Variants in RNF144A observed in about 807,000 individuals in gnomAD.
The protein encoded by RNF144A is ring finger protein 144A.
In RNF144A, 11 loss-of-function variants were observed where a neutral mutation model predicts 38.7. The observed-to-expected ratio is 0.28, with a 90% CI of 0.18 to 0.47. The LOEUF (loss-of-function observed/expected upper bound fraction) is 0.47, where lower values mean the gene tolerates loss of function less well. Ranked by LOEUF, RNF144A falls within the 20% of genes least tolerant of loss-of-function variation. The pLI is 0.99. For synonymous variants in RNF144A, 149 were observed against 143.9 expected (o/e 1.04, Z -0.25); for missense variants, 316 against 377.2 (o/e 0.84, Z 1.34).
intron 7 of RNF144A, 58 bp from the exon 8 acceptor site, chr2:7,030,068 C>T (rs1672177633): frequency 8.5e-7 from 1 of 1,175,390 alleles, no homozygotes; most frequent in African/African-American, 1.5e-5. Flanking sequence ...GGCTGTGATA[C>T]TCACCGAACT....
intron 2 of RNF144A, among the ~76,000 whole-genome samples, chr2:6,975,644 G>C (rs1264751517): frequency 1.3e-5 from 2 of 152,128 alleles, no homozygotes; most frequent in African/African-American, 4.8e-5. Context: ...GCAACAAGTT[G>C]AAAGCCCATC....
intron 5 of RNF144A, among the ~76,000 whole-genome samples, chr2:7,017,877 C>T (rs1671243419): frequency 6.6e-6 from 1 of 152,204 alleles, no homozygotes. Flanking sequence ...CCGTTTGTCC[C>T]TGACCTTTTC....
chr2:6,948,969 C>T (rs552501212), intron 2 of RNF144A, among the ~76,000 whole-genome samples: 1 of 152,290 alleles, frequency 6.6e-6, no homozygotes, highest in South Asian at 2.1e-4. Context: ...TGGACGAGGT[C>T]ATTGGGGGCA....
chr2:7,071,087 ACCATG>A (rs1255131075), downstream of RNF144A, among the ~76,000 whole-genome samples: 1 of 152,020 alleles, frequency 6.6e-6, no homozygotes, highest in Admixed American at 6.6e-5. Context: ...GGAGCGTGCC[ACCATG>A]CCAGGCTAAT....
Position 6,941,791 on chromosome 2 carries a change from G to T in RNF144A, c.-12+644G>T, listed in dbSNP as rs1379371910. ...AGGAGGCGCAGTAACTAGCCACTTA[G>T]CATCTGGGCAAGAGCGCTGTAGACA... is the stretch of plus-strand genomic sequence containing the variant. On this transcript the variant is annotated intron_variant, in intron 2 of 8. Transcript: ENST00000320892. The surrounding 1 kb of genome is among the most constrained non-coding windows in gnomAD (Gnocchi z 6.5). 6.6e-6 allele frequency among the ~76,000 whole-genome samples: 1 copy of T among 152,254 alleles called. No homozygotes were observed. The highest frequency in any genetic ancestry group is 1.5e-5 in the Non-Finnish European group (1 of 68,044).
At chr2:7,028,821 C>T (rs1272452272) in intron 7 of RNF144A, among the ~76,000 whole-genome samples, 1 of 152,188 alleles carries the variant, frequency 6.6e-6, no homozygotes, top group Non-Finnish European at 1.5e-5. Context: ...TTTCCTCTCA[C>T]AGATGGGGCA....
At chr2:7,028,471 C>T (rs1180667704) in intron 7 of RNF144A, among the ~76,000 whole-genome samples, 1 of 152,176 alleles carries the variant, frequency 6.6e-6, no homozygotes, top group Non-Finnish European at 1.5e-5. Context: ...GTCCAGGTGG[C>T]TCGGATGTGC....
intron 1 of RNF144A, 104 bp from the exon 2 acceptor site, chr2:6,940,844 T>G (rs942752956): frequency 6.6e-6 from 1 of 152,186 alleles, no homozygotes; most frequent in African/African-American, 2.4e-5. Context: ...TGGATAAGAT[T>G]TCTAATGTCA....
chr2:7,051,176 G>T (rs1259991424), intron 6 of RNF144A, among the ~76,000 whole-genome samples: 1 of 152,194 alleles, frequency 6.6e-6, no homozygotes, highest in Admixed American at 6.5e-5. Flanking sequence ...TGGGGTCGGG[G>T]ATGGAGAGAG....
At chr2:7,044,836 T>G (rs1673235882), downstream of RNF144A, among the ~76,000 whole-genome samples, 1 of 152,222 alleles carries the variant, frequency 6.6e-6, no homozygotes. Context: ...TATCTACAGG[T>G]GCACATTAAG....
intron 2 of RNF144A, among the ~76,000 whole-genome samples, chr2:6,996,117 G>C (rs952575883): frequency 6.6e-6 from 1 of 152,120 alleles, no homozygotes; most frequent in Non-Finnish European, 1.5e-5. Flanking sequence ...AAGATGCTAC[G>C]ACATTTCTTC....
chr2:7,029,828 C>G (rs1053338415), intron 7 of RNF144A, among the ~76,000 whole-genome samples: 1 of 152,238 alleles, frequency 6.6e-6, no homozygotes, highest in Non-Finnish European at 1.5e-5. Context: ...AAGCCAGCCA[C>G]TGTGCAGGGG....
intron 1 of RNF144A, among the ~76,000 whole-genome samples, chr2:6,938,250 C>CCCCTTT (rs1558364934): frequency 3.5e-5 from 4 of 114,502 alleles, no homozygotes; most frequent in Admixed American, 1.8e-4. Flanking sequence ...CCTCCCCTCC[C>CCCCTTT]TTTTTTTTTT....
Position 7,050,842 on chromosome 2 carries a change from AG to A in RNF144A, c.735-17371del, listed in dbSNP as rs1429146961. Among the ~76,000 whole-genome samples the A allele has an allele frequency of 7.2e-5, 11 of 152,332 alleles. No homozygotes were observed. In the South Asian group the frequency reaches 1.9e-3, roughly 26 times the overall value. On this transcript the variant is annotated intron_variant, in intron 6 of 6. Coordinates refer to the RNF144A transcript ENST00000432850. Reference sequence around the variant, plus strand: ...ATGTCGAAGGGAACGGGAGCTCCCAAGGGAGGAAGTGCTGGAATCCCAGTGC... The same window carrying A: ...ATGTCGAAGGGAACGGGAGCTCCCAAGGAGGAAGTGCTGGAATCCCAGTGC...
At chr2:6,942,470 C>T (rs2103300018) in intron 2 of RNF144A, among the ~76,000 whole-genome samples, 1 of 152,312 alleles carries the variant, frequency 6.6e-6, no homozygotes, top group Non-Finnish European at 1.5e-5. Context: ...GAAAGTGGGG[C>T]ACACTCTGCA....
At chr2:7,069,051 G>A (rs986931526), downstream of RNF144A, among the ~76,000 whole-genome samples, 5 of 152,230 alleles carry the variant, frequency 3.3e-5, no homozygotes, top group Admixed American at 3.3e-4. Flanking sequence ...CTTGCCCTAA[G>A]TCAATAGTAG....
chr2:7,021,686 T>C (rs1004064593), intron 6 of RNF144A, among the ~76,000 whole-genome samples: 11 of 152,324 alleles, frequency 7.2e-5, no homozygotes, highest in Admixed American at 5.2e-4. Context: ...CCTGGACATA[T>C]TGGATTTGAG....
At chr2:7,076,112 A>G in the RNF144A span, among the ~76,000 whole-genome samples, 1 of 152,162 alleles carries the variant, frequency 6.6e-6, no homozygotes, top group Admixed American at 6.5e-5. Context: ...CACATGGAGC[A>G]GTTTCCTGGA....
rs543932585 is a variant in RNF144A, at chr2:6,984,492, C to T, written c.-11-12424C>T. Among the ~76,000 whole-genome samples the T allele has an allele frequency of 1.9e-3, 285 of 152,038 alleles. 2 individuals are homozygous for T. The highest frequency in any genetic ancestry group is 6.6e-3 in the African/African-American group (275 of 41,476). ...CTAATTTTTGTATTTTTAGTAGAGA[C>T]GGGGTTTCACCATGTTGGCCAGGCT... On this transcript the variant is annotated intron_variant, in intron 2 of 8. Coordinates refer to ENST00000320892, the MANE Select transcript of RNF144A (RefSeq NM_014746.6).
Sources: allele counts gnomAD v4.1 joint callset (sites outside exome capture counted in the v4.1 genomes callset), GRCh38; gene constraint gnomAD v4.1.1; non-coding constraint Gnocchi (gnomAD v3.1); transcripts MANE v1.5; gene names NCBI Gene and HGNC (gene_info 2026-07-23, HGNC 2026-07-21).